The following NEGR1 variants were observed in gnomAD, a reference collection of about 807,000 sequenced individuals.
NEGR1 encodes the protein IgLON family member 4.
NEGR1 carries 10 observed loss-of-function variants against 40.9 expected under a neutral mutation model. The ratio of observed to expected loss-of-function variants is 0.24; its 90% CI spans 0.15 to 0.42. NEGR1 has a LOEUF of 0.42. Ranked by LOEUF, NEGR1 falls within the 10% of genes least tolerant of loss-of-function variation. The pLI is 1.00. For synonymous variants in NEGR1, 185 were observed against 166.8 expected (o/e 1.11, Z -0.84); for missense variants, 352 against 438.9 (o/e 0.80, Z 1.77).
rs1321483114 is a variant in NEGR1, at chr1:71,625,725, AG to A, written c.668-14580del. On this transcript the variant is annotated intron_variant, in intron 4 of 6. Transcript: ENST00000357731. ...CATATTTGTTAGAATACTTATGATA[AG>A]GCAGGCGTCCCCAAGCCCCAGGCCA... Among the ~76,000 whole-genome samples, 4 of 151,730 alleles carry A rather than the reference AG, an allele frequency of 2.6e-5. No individual in the cohort carries two copies. The East Asian group carries it at 7.7e-4, about 29-fold the overall frequency.
chr1:71,502,177 G>A (rs1438870552), intron 6 of NEGR1, among the ~76,000 whole-genome samples: 3 of 152,170 alleles, frequency 2.0e-5, no homozygotes, highest in African/African-American at 7.2e-5. Flanking sequence ...AGAAGGTCAC[G>A]AAAAGGGAAC....
At chr1:72,170,615 T>C (rs192548868) in intron 1 of NEGR1, among the ~76,000 whole-genome samples, 34 of 152,284 alleles carry the variant, frequency 2.2e-4, no homozygotes, top group East Asian at 1.3e-3. Context: ...AAGTCCTATG[T>C]TGATTTTCAA....
intron 4 of NEGR1, among the ~76,000 whole-genome samples, chr1:71,665,898 T>C (rs1359410357): frequency 2.0e-5 from 3 of 152,196 alleles, no homozygotes; most frequent in Non-Finnish European, 4.4e-5. Flanking sequence ...CAGTTGGTTC[T>C]TTGGTGCCTA....
intron 1 of NEGR1, among the ~76,000 whole-genome samples, chr1:72,123,756 T>A (rs1217616718): frequency 6.6e-6 from 1 of 152,000 alleles, no homozygotes; most frequent in African/African-American, 2.4e-5. Context: ...TTTATATAAT[T>A]GATTTAAAAG....
chr1:71,944,061 T>C (rs1645996376), intron 1 of NEGR1, among the ~76,000 whole-genome samples: 2 of 152,222 alleles, frequency 1.3e-5, no homozygotes, highest in Admixed American at 6.5e-5. Context: ...ATTTTTGAAT[T>C]CAACTAAATC....
At chr1:71,796,140 T>A (rs1398445252) in intron 2 of NEGR1, among the ~76,000 whole-genome samples, 2 of 152,120 alleles carry the variant, frequency 1.3e-5, no homozygotes, top group Non-Finnish European at 2.9e-5. Flanking sequence ...TCTCATCCAA[T>A]CTCCTGACCT....
chr1:71,928,758 T>C (rs7550950), intron 2 of NEGR1, among the ~76,000 whole-genome samples: 83,368 of 151,670 alleles, frequency 0.55, 24,468 homozygotes, highest in African/African-American at 0.74. Flanking sequence ...CTAGTTCCAT[T>C]GTTACTACTT....
At chr1:72,087,332 G>A (rs999505798) in intron 1 of NEGR1, among the ~76,000 whole-genome samples, 2 of 152,044 alleles carry the variant, frequency 1.3e-5, no homozygotes, top group Non-Finnish European at 2.9e-5. Context: ...TCCAGAGGCT[G>A]AGGCAGGAGA....
At chr1:71,800,008 G>A (rs1342318149) in intron 2 of NEGR1, among the ~76,000 whole-genome samples, 2 of 152,012 alleles carry the variant, frequency 1.3e-5, no homozygotes, top group East Asian at 1.9e-4. Context: ...CACTGCACCC[G>A]GCTGTTTCCT....
At chr1:71,475,848 T>G (rs1303031078) in intron 6 of NEGR1, among the ~76,000 whole-genome samples, 1 of 152,048 alleles carries the variant, frequency 6.6e-6, no homozygotes, top group Non-Finnish European at 1.5e-5. Context: ...AATAATTTAA[T>G]GCTAAATTTT....
intron 6 of NEGR1, among the ~76,000 whole-genome samples, chr1:71,476,692 A>C (rs1161514788): frequency 6.6e-6 from 1 of 152,004 alleles, no homozygotes. Context: ...GGTTCGGGAG[A>C]GCTTCCCTCA....
chr1:71,873,400 T>C (rs1010522134), intron 2 of NEGR1, among the ~76,000 whole-genome samples: 1 of 152,070 alleles, frequency 6.6e-6, no homozygotes, highest in African/African-American at 2.4e-5. Flanking sequence ...CATGGGATAG[T>C]GAAAATGTTT....
At chr1:71,779,241 T>G (rs1557649346) in intron 2 of NEGR1, among the ~76,000 whole-genome samples, 1 of 152,212 alleles carries the variant, frequency 6.6e-6, no homozygotes, top group Non-Finnish European at 1.5e-5. Flanking sequence ...TATTGCATAT[T>G]CAGTTTAAGC....
At chr1:71,917,367 A>G (rs1402618296) in intron 2 of NEGR1, among the ~76,000 whole-genome samples, 1 of 152,236 alleles carries the variant, frequency 6.6e-6, no homozygotes, top group Non-Finnish European at 1.5e-5. Context: ...CTATTTGATT[A>G]ACTCCATATT....
chr1:72,194,670 C>T (rs1251680768), intron 1 of NEGR1, among the ~76,000 whole-genome samples: 1 of 151,986 alleles, frequency 6.6e-6, no homozygotes, highest in Non-Finnish European at 1.5e-5. Context: ...ATGTGAAGAT[C>T]TAGAAAGGAT....
chr1:71,767,564 C>G (rs10789328), intron 3 of NEGR1, among the ~76,000 whole-genome samples: 113,602 of 152,068 alleles, frequency 0.75, 44,334 homozygotes, highest in East Asian at 0.86. Flanking sequence ...AAGGGAAGCA[C>G]AGCATAAAAG....
chr1:71,665,841 T>C (rs1053206484), intron 4 of NEGR1, among the ~76,000 whole-genome samples: 3 of 152,188 alleles, frequency 2.0e-5, no homozygotes, highest in Non-Finnish European at 4.4e-5. Flanking sequence ...ATACCTCCTA[T>C]GGCTCTAGTT....
chr1:71,698,343 A>G (rs1260247125), intron 3 of NEGR1, among the ~76,000 whole-genome samples: 5 of 151,820 alleles, frequency 3.3e-5, no homozygotes, highest in African/African-American at 1.2e-4. Context: ...TATAACAACT[A>G]TTTCCCCAGA....
chr1:71,459,183 A>C (rs1015712764), intron 6 of NEGR1, among the ~76,000 whole-genome samples: 1 of 152,178 alleles, frequency 6.6e-6, no homozygotes, highest in Non-Finnish European at 1.5e-5. Context: ...CTTGGGGACG[A>C]CTTTTCTTCC....
Sources: gnomAD v4.1 joint callset for allele counts (sites outside exome capture counted in the v4.1 genomes callset) on GRCh38, gnomAD v4.1.1 for gene constraint, MANE v1.5 for transcripts, NCBI Gene and HGNC (gene_info 2026-07-23, HGNC 2026-07-21) for gene names.